Variants in CDK13 observed in about 807,000 individuals in gnomAD.
The protein encoded by CDK13 is cyclin-dependent kinase 13.
Under a neutral mutation model 137.6 loss-of-function variants are expected in CDK13, and 40 were observed. That is an observed-to-expected ratio of 0.29 (90% CI 0.23 to 0.38). The LOEUF (loss-of-function observed/expected upper bound fraction) is 0.38. Ranked by LOEUF, CDK13 falls within the 10% of genes least tolerant of loss-of-function variation. The pLI, the probability that CDK13 is intolerant of heterozygous loss-of-function variation, is 1.00. For synonymous variants in CDK13, 869 were observed against 760.1 expected (o/e 1.14, Z -2.36); for missense variants, 1,704 against 1,951.8 (o/e 0.87, Z 2.39).
chr7:40,046,078 A>T, intron 6 of CDK13, 53 bp downstream of exon 6: 1 of 1,094,884 alleles, frequency 9.1e-7, no homozygotes, highest in Non-Finnish European at 1.3e-6. Context: ...ATGGACATGT[A>T]CATGGAGAGA....
At chr7:40,018,060 G>A (rs897620796) in intron 5 of CDK13, among the ~76,000 whole-genome samples, 10 of 151,320 alleles carry the variant, frequency 6.6e-5, no homozygotes, top group African/African-American at 2.4e-5. Flanking sequence ...GATAAAGATC[G>A]CCTTCTCTTT....
In CDK13 at chr7:40,094,227, C is replaced by T. The variant is rs770891750; in HGVS notation, c.3786C>T (p.Pro1262=). The T allele has an allele frequency of 1.6e-5, 26 of 1,613,442 alleles. No homozygotes were observed. Among genetic ancestry groups the T allele is most frequent in the Non-Finnish European group, 1.9e-5 (22 of 1,179,838 alleles). ...PRILPPDQRP[P]EPPEPPPVTE... Reference sequence around the variant, plus strand: ...TTCTGCCTCCTGACCAACGACCTCCCGAGCCTCCTGAACCACCACCAGTCA... The same window carrying T: ...TTCTGCCTCCTGACCAACGACCTCCTGAGCCTCCTGAACCACCACCAGTCA... The change falls in exon 14 of 14, where the codon CCC becomes CCT. Residue 1262 remains proline, a synonymous_variant. Coordinates refer to ENST00000181839, the MANE Select transcript of CDK13 (RefSeq NM_003718.5).
At chr7:40,066,781 G>C (rs974981219) in intron 9 of CDK13, 1 of 152,226 alleles carries the variant, frequency 6.6e-6, no homozygotes, top group Non-Finnish European at 1.5e-5. Context: ...ATTCCATTCA[G>C]TGAATCCTCT....
intron 11 of CDK13, among the ~76,000 whole-genome samples, chr7:40,084,411 G>A (rs1236512498): frequency 6.6e-6 from 1 of 152,204 alleles, no homozygotes. Context: ...CCAGGAGGCA[G>A]AGGTTGCAAT....
chr7:39,995,078 G>C (rs9690347), intron 2 of CDK13, among the ~76,000 whole-genome samples: 2 of 148,250 alleles, frequency 1.3e-5, no homozygotes, highest in South Asian at 4.3e-4. Context: ...ATTTTTTTCT[G>C]TTGCTGGTGT....
At position 39,950,615 on chromosome 7, in the gene CDK13, G is replaced by A. The variant is rs1367849199; in HGVS notation, c.-27G>A. ...TGACCCGGGAGGAGGCCGCACCCGC[G>A]CCGCGCTCTGCGGCTGGCTCTAGGC... On this transcript the variant is annotated 5_prime_UTR_variant, in exon 1 of 14. Transcript: ENST00000181839. 6.2e-6 allele frequency: 8 copies of A among 1,288,826 alleles called. No homozygotes were observed. Among genetic ancestry groups the A allele is most frequent in the Non-Finnish European group, 7.9e-6 (8 of 1,018,504 alleles). 79.8% of individuals were successfully genotyped at this position (1,288,826 alleles called of 1,614,324 possible).
In CDK13 at chr7:39,950,381, G is replaced by T. The variant is rs1360298768; in HGVS notation, c.-261G>T. 1.6e-6 allele frequency: 2 copies of T among 1,218,678 alleles called. No homozygotes were observed. The highest frequency in any genetic ancestry group is 2.0e-6 in the Non-Finnish European group (2 of 979,836). 75.5% of individuals were successfully genotyped at this position (1,218,678 alleles called of 1,614,324 possible). A position where few individuals can be genotyped will look rare whatever the true frequency, so the allele number is the denominator to read the frequency against. ...CGGCGCATCTGGTGTTTTCGCTGCC[G>T]AGGATAGGACGACGAGCGCAATCGG... On this transcript the variant is annotated 5_prime_UTR_variant, in exon 1 of 14. Transcript: ENST00000181839.
At chr7:40,069,591 T>C (rs928288648) in intron 9 of CDK13, 1 of 269,472 alleles carries the variant, frequency 3.7e-6, no homozygotes, top group African/African-American at 2.2e-5. Flanking sequence ...AGGTTGTTTA[T>C]AGGCTCAGGA....
chr7:40,001,042 A>G (rs1255029073), intron 4 of CDK13, among the ~76,000 whole-genome samples: 1 of 152,102 alleles, frequency 6.6e-6, no homozygotes, highest in South Asian at 2.1e-4. Flanking sequence ...CTGCTAGGTA[A>G]CTGGCCAGGT....
rs1301621966 is a variant in CDK13, at chr7:40,035,109, G to T, written c.2354-10727G>T. 3.3e-5 allele frequency among the ~76,000 whole-genome samples: 5 copies of T among 152,032 alleles called. No homozygotes were observed. The East Asian group carries it at 9.6e-4, about 29-fold the overall frequency. ...GTTTTGATACTAATATTTTTCTAAG[G>T]ATATGTATATATATCAGCTTTCCTA... On this transcript the variant is annotated intron_variant, in intron 5 of 13. Coordinates refer to ENST00000181839, the MANE Select transcript of CDK13 (RefSeq NM_003718.5).
At chr7:39,957,658 G>C (rs1183078623) in intron 1 of CDK13, among the ~76,000 whole-genome samples, 3 of 152,092 alleles carry the variant, frequency 2.0e-5, no homozygotes, top group Non-Finnish European at 4.4e-5. Flanking sequence ...GAGGATGCTG[G>C]GAGTCACTTT....
Position 40,084,415 on chromosome 7 carries a change from T to C in CDK13, c.3030-3711T>C, listed in dbSNP as rs146819283. ...ATTGCTTGAATCCAGGAGGCAGAGG[T>C]TGCAATGAGCTGAGATCACACCATT... is the stretch of plus-strand genomic sequence containing the variant. On this transcript the variant is annotated intron_variant, in intron 11 of 13. Coordinates refer to ENST00000181839, the MANE Select transcript of CDK13 (RefSeq NM_003718.5). Among the ~76,000 whole-genome samples, 580 of 152,196 alleles carry C rather than the reference T, an allele frequency of 3.8e-3. 1 individual carries two copies. Among genetic ancestry groups the C allele is most frequent in the African/African-American group, 0.012 (515 of 41,496 alleles).
intron 5 of CDK13, among the ~76,000 whole-genome samples, chr7:40,029,944 G>A (rs981611457): frequency 3.3e-5 from 5 of 152,068 alleles, no homozygotes; most frequent in African/African-American, 7.2e-5. Context: ...GAGTCACTGC[G>A]CCTGGCCTAG....
At chr7:40,055,409 G>A (rs545448184) in intron 7 of CDK13, among the ~76,000 whole-genome samples, 15 of 152,162 alleles carry the variant, frequency 9.9e-5, no homozygotes, top group African/African-American at 3.4e-4. Flanking sequence ...CCACAAGAAT[G>A]TAATTTGTTT....
intron 12 of CDK13, among the ~76,000 whole-genome samples, chr7:40,091,040 G>A (rs1486021165): frequency 6.6e-6 from 1 of 151,518 alleles, no homozygotes; most frequent in Non-Finnish European, 1.5e-5. Flanking sequence ...GCAAAACCAT[G>A]TCTCTACTAA....
intron 1 of CDK13, among the ~76,000 whole-genome samples, chr7:39,967,297 T>C (rs1360679783): frequency 6.6e-6 from 1 of 152,086 alleles, no homozygotes; most frequent in East Asian, 1.9e-4. Context: ...CATGGTGGCA[T>C]GTACCTGTAG....
intron 9 of CDK13, among the ~76,000 whole-genome samples, chr7:40,076,118 G>A (rs951553143): frequency 3.3e-5 from 5 of 152,104 alleles, no homozygotes; most frequent in African/African-American, 9.7e-5. Flanking sequence ...CATCTTGAAA[G>A]TATCTTTGCC....
intron 11 of CDK13, among the ~76,000 whole-genome samples, chr7:40,087,012 C>T (rs112661594): frequency 9.2e-5 from 14 of 152,018 alleles, no homozygotes; most frequent in African/African-American, 3.1e-4. Flanking sequence ...CAGCATGTTG[C>T]CCATGCTGGT....
intron 2 of CDK13, among the ~76,000 whole-genome samples, chr7:39,996,983 A>AAAAG (rs1554326370): frequency 0.018 from 2,515 of 140,716 alleles, 223 homozygotes; most frequent in African/African-American, 0.068. Flanking sequence ...AAAAGAAAAA[A>AAAAG]AAAAAGAAAA....
Sources: gnomAD v4.1 joint callset for allele counts (sites outside exome capture counted in the v4.1 genomes callset) on GRCh38, gnomAD v4.1.1 for gene constraint, MANE v1.5 for transcripts, NCBI Gene and HGNC (gene_info 2026-07-23, HGNC 2026-07-21) for gene names.